CAPN2: variants seen among roughly 807,000 people sequenced by gnomAD.
The protein encoded by CAPN2 is calpain 2, also known as calpain-2 catalytic subunit.
In CAPN2, 92 loss-of-function variants were observed where a neutral mutation model predicts 102.3. The ratio of observed to expected loss-of-function variants is 0.90; its 90% CI spans 0.76 to 1.07. The LOEUF (loss-of-function observed/expected upper bound fraction) is 1.07, where lower values mean the gene tolerates loss of function less well. Ranked by LOEUF, CAPN2 falls within the 50% of genes least tolerant of loss-of-function variation. The pLI, the probability that CAPN2 is intolerant of heterozygous loss-of-function variation, is 0.00. For synonymous variants in CAPN2, 340 were observed against 355.4 expected (o/e 0.96, Z 0.49); for missense variants, 800 against 909.4 (o/e 0.88, Z 1.55).
At chr1:223,703,918 C>T (rs1239069086) in intron 1 of CAPN2, among the ~76,000 whole-genome samples, 1 of 152,118 alleles carries the variant, frequency 6.6e-6, no homozygotes, top group Non-Finnish European at 1.5e-5. Context: ...CACTAAAAAC[C>T]ACACACTCAC....
chr1:223,745,591 T>C (rs1660734700), intron 4 of CAPN2, 152 bp downstream of exon 4: 1 of 737,856 alleles, frequency 1.4e-6, no homozygotes, highest in African/African-American at 1.7e-5. Context: ...GCCAACATGA[T>C]GAAACCCCGT....
intron 4 of CAPN2, among the ~76,000 whole-genome samples, chr1:223,746,558 A>G (rs1453251870): frequency 6.8e-6 from 1 of 147,250 alleles, no homozygotes; most frequent in East Asian, 2.0e-4. Context: ...GCTCACTGCA[A>G]TTTCCACGTT....
intron 20 of CAPN2, 122 bp from the exon 21 acceptor site, chr1:223,774,712 G>A (rs1661568852): frequency 1.2e-6 from 1 of 811,712 alleles, no homozygotes. Context: ...TTAGTGCACT[G>A]ATATTGTAGC....
chr1:223,712,886 C>A lies in CAPN2; in HGVS notation c.237+9C>A. ...AGTGGAAGCGCCCCACGGTAGGAAG[C>A]GCGCGGCAGGACGCGGGCAGGGCGG... On this transcript the variant is annotated intron_variant, in intron 1 of 20. Coordinates refer to ENST00000295006, the MANE Select transcript of CAPN2 (RefSeq NM_001748.5). 10 of 1,512,632 alleles carry A rather than the reference C, an allele frequency of 6.6e-6. No individual in the cohort carries two copies. The highest frequency in any genetic ancestry group is 8.8e-6 in the Non-Finnish European group (10 of 1,130,670). The allele number at this position is 1,512,632 out of a possible 1,614,324, so 93.7% of individuals were successfully genotyped here. A position where few individuals can be genotyped will look rare whatever the true frequency, so the allele number is the denominator to read the frequency against.
At chr1:223,773,619 G>A (rs1222884105) in intron 20 of CAPN2, among the ~76,000 whole-genome samples, 6 of 152,012 alleles carry the variant, frequency 3.9e-5, no homozygotes, top group African/African-American at 1.2e-4. Flanking sequence ...GCTTGAACCC[G>A]GGAGGCGGAG....
At chr1:223,734,169 G>A (rs571008799) in intron 2 of CAPN2, among the ~76,000 whole-genome samples, 6 of 152,348 alleles carry the variant, frequency 3.9e-5, no homozygotes, top group Admixed American at 3.9e-4. Context: ...CACAGTCCCG[G>A]CTGGAGACCC....
In CAPN2 at chr1:223,767,175, T is replaced by TA. The variant is rs201862336; in HGVS notation, c.1755+745dup. Among the ~76,000 whole-genome samples, 1,020 of 110,436 alleles carry TA rather than the reference T, an allele frequency of 9.2e-3. 5 individuals carry two copies. Among genetic ancestry groups the TA allele is most frequent in the Non-Finnish European group, 0.013 (740 of 57,498 alleles). 72.5% of individuals were successfully genotyped at this position (110,436 alleles called of 152,430 possible). A position where few individuals can be genotyped will look rare whatever the true frequency, so the allele number is the denominator to read the frequency against. ...GTCTGATCAAGATCGTCGTCTTCTTTATTTATTTATTTATTTATTTTTTAT... is the reference window on the plus strand; with the variant it reads ...GTCTGATCAAGATCGTCGTCTTCTTTAATTTATTTATTTATTTATTTTTTAT... On this transcript the variant is annotated intron_variant, in intron 16 of 20. Coordinates refer to ENST00000295006, the MANE Select transcript of CAPN2 (RefSeq NM_001748.5).
At chr1:223,736,059 G>A (rs1193548241) in intron 2 of CAPN2, among the ~76,000 whole-genome samples, 1 of 152,118 alleles carries the variant, frequency 6.6e-6, no homozygotes, top group South Asian at 2.1e-4. Flanking sequence ...ATTACAGGGT[G>A]AGCCACCGCA....
In CAPN2 at chr1:223,762,257, T is replaced by C. The variant is rs1344192078; in HGVS notation, c.1632+6T>C. 1 of 1,611,056 alleles carries C rather than the reference T, an allele frequency of 6.2e-7. No individual in the cohort carries two copies. The highest frequency in any genetic ancestry group is 8.5e-7 in the Non-Finnish European group (1 of 1,177,222). On this transcript the variant is annotated splice_donor_region_variant and intron_variant, in intron 14 of 20. Coordinates refer to ENST00000295006, the MANE Select transcript of CAPN2 (RefSeq NM_001748.5). ...TTGCCCAGTTGGCAGGAGAGGTAAATGTTCCCAAAAACGATGTTATGCACT... is the reference window on the plus strand; with the variant it reads ...TTGCCCAGTTGGCAGGAGAGGTAAACGTTCCCAAAAACGATGTTATGCACT...
intron 15 of CAPN2, among the ~76,000 whole-genome samples, chr1:223,766,045 C>A (rs1234070590): frequency 6.6e-6 from 1 of 152,068 alleles, no homozygotes. Flanking sequence ...TTTTCTTTTT[C>A]CCTGCCCAAC....
intron 2 of CAPN2, among the ~76,000 whole-genome samples, chr1:223,741,231 A>G (rs1264358498): frequency 1.3e-5 from 2 of 151,942 alleles, no homozygotes; most frequent in Non-Finnish European, 2.9e-5. Context: ...GGAGCTTCCC[A>G]GCTTGGTTCA....
intron 5 of CAPN2, among the ~76,000 whole-genome samples, chr1:223,748,282 G>C (rs1468194384): frequency 1.3e-5 from 2 of 152,236 alleles, no homozygotes; most frequent in Admixed American, 6.5e-5. Flanking sequence ...GTCCCATCCA[G>C]GTTCTGGTCT....
intron 15 of CAPN2, 101 bp from the exon 16 acceptor site, chr1:223,766,266 A>G (rs542288713): frequency 1.2e-6 from 1 of 853,690 alleles, no homozygotes; most frequent in African/African-American, 1.7e-5. Flanking sequence ...TGGCTTCTGT[A>G]TGTGAAGGGC....
intron 16 of CAPN2, among the ~76,000 whole-genome samples, chr1:223,768,506 C>T (rs1222150): frequency 1.1e-3 from 161 of 152,108 alleles, no homozygotes; most frequent in African/African-American, 3.5e-3. Context: ...GTTGTAGATA[C>T]GGCGTTATTT....
intron 16 of CAPN2, among the ~76,000 whole-genome samples, chr1:223,766,644 C>T (rs1661340932): frequency 6.6e-6 from 1 of 152,182 alleles, no homozygotes; most frequent in African/African-American, 2.4e-5. Flanking sequence ...CCCCCCCTCC[C>T]ACCTACCCTG....
intron 5 of CAPN2, among the ~76,000 whole-genome samples, chr1:223,747,500 C>T (rs999677085): frequency 1.3e-5 from 2 of 152,018 alleles, no homozygotes; most frequent in Non-Finnish European, 2.9e-5. Flanking sequence ...TTAGGGATGT[C>T]GTAAATGATT....
chr1:223,745,377 C>G lies in CAPN2; in HGVS notation c.498C>G (p.Leu166=). Residue 166 remains leucine, a synonymous_variant, in exon 4 of 21, where the codon CTC becomes CTG. Transcript: ENST00000295006. ...TGCCCACCAAGGACGGGGAGCTGCT[C>G]TTTGTGCATTCAGCCGAAGGGAGCG... The part of the protein sequence containing the change: ...DRLPTKDGEL[L]FVHSAEGSEF... 1 of 1,614,006 alleles carries G rather than the reference C, an allele frequency of 6.2e-7. No homozygotes were observed. The highest frequency in any genetic ancestry group is 8.5e-7 in the Non-Finnish European group (1 of 1,180,004).
In CAPN2 at chr1:223,755,652, G is replaced by A. The variant is rs112086231; in HGVS notation, c.1305+3G>A. The A allele has an allele frequency of 1.7e-5, 27 of 1,580,966 alleles. No individual in the cohort carries two copies. Among genetic ancestry groups the A allele is most frequent in the Non-Finnish European group, 2.1e-5 (25 of 1,164,400 alleles). On this transcript the variant is annotated splice_donor_region_variant and intron_variant, in intron 10 of 20. Coordinates refer to ENST00000295006, the MANE Select transcript of CAPN2 (RefSeq NM_001748.5). The surrounding 1 kb of genome is among the most constrained non-coding windows in gnomAD (Gnocchi z 4.1). ...CCATCGGCTTTGGCATCTATGAGGT[G>A]CAGAGCGCAGGGGCTCCTGCCCTCC...
At chr1:223,737,702 C>G (rs540879950) in intron 2 of CAPN2, among the ~76,000 whole-genome samples, 2 of 7,620 alleles carry the variant, frequency 2.6e-4, no homozygotes, top group South Asian at 2.4e-3. Context: ...CCAAAAGAGA[C>G]GGGGCGGGGG....
Sources: gnomAD v4.1 joint callset for allele counts (sites outside exome capture counted in the v4.1 genomes callset) on GRCh38, gnomAD v4.1.1 for gene constraint, Gnocchi (gnomAD v3.1) non-coding constraint, MANE v1.5 for transcripts, NCBI Gene and HGNC (gene_info 2026-07-23, HGNC 2026-07-21) for gene names.